TTC27: variants seen among roughly 807,000 people sequenced by gnomAD.
The protein encoded by TTC27 is tetratricopeptide repeat domain 27, also known as tetratricopeptide repeat protein 27.
A neutral mutation model predicts 115.9 loss-of-function variants in TTC27; 79 were observed. That is an observed-to-expected ratio of 0.68 (90% CI 0.57 to 0.82). TTC27 has a LOEUF of 0.82. Ranked by LOEUF, TTC27 falls within the 40% of genes least tolerant of loss-of-function variation. TTC27 has a pLI of 0.00. For missense variants in TTC27, 1,054 were observed against 993.1 expected, an observed-to-expected ratio of 1.06 and a Z score of -0.82; for synonymous variants, 401 against 356.0, an observed-to-expected ratio of 1.13 and a Z score of -1.42.
At chr2:32,761,319 C>T (rs1295331632) in intron 13 of TTC27, among the ~76,000 whole-genome samples, 1 of 152,174 alleles carries the variant, frequency 6.6e-6, no homozygotes, top group Non-Finnish European at 1.5e-5. Flanking sequence ...TTCTTACCAC[C>T]TCCTGTCATC....
At chr2:32,763,831 A>G (rs993824194) in intron 13 of TTC27, among the ~76,000 whole-genome samples, 1 of 152,202 alleles carries the variant, frequency 6.6e-6, no homozygotes, top group African/African-American at 2.4e-5. Context: ...AACTACTTAA[A>G]TTCAACCTTA....
At chr2:32,802,828 G>A (rs1050245604) in intron 16 of TTC27, among the ~76,000 whole-genome samples, 4 of 152,044 alleles carry the variant, frequency 2.6e-5, no homozygotes, top group African/African-American at 9.7e-5. Flanking sequence ...TATTCCCTTG[G>A]TTTTCTTCTC....
intron 4 of TTC27, among the ~76,000 whole-genome samples, chr2:32,644,049 C>T (rs139449387): frequency 1.8e-3 from 266 of 151,844 alleles, no homozygotes; most frequent in Non-Finnish European, 3.2e-3. Context: ...GGTGTAATGG[C>T]GGGTGCCTGT....
intron 10 of TTC27, among the ~76,000 whole-genome samples, chr2:32,710,160 C>A (rs1397527870): frequency 1.3e-5 from 2 of 152,026 alleles, no homozygotes; most frequent in Non-Finnish European, 2.9e-5. Context: ...GGACTATAGG[C>A]ATGCACCACC....
rs989769276 is a variant in TTC27 at position 32,666,837 on chromosome 2, A to G, written c.939+69A>G. 2.0e-5 allele frequency: 30 copies of G among 1,529,548 alleles called. No individual in the cohort carries two copies. The East Asian group carries it at 2.3e-4, about 12-fold the overall frequency. The allele number at this position is 1,529,548 out of a possible 1,614,324, so 94.7% of individuals were successfully genotyped here. ...CTAAGAATTTCAATAGCTGAGTACC[A>G]TAGAAACACTGAATGGGTTGGGGAC... On this transcript the variant is annotated intron_variant, in intron 7 of 19. Transcript: ENST00000317907.
At chr2:32,660,758 A>G (rs1002131722) in intron 5 of TTC27, among the ~76,000 whole-genome samples, 31 of 152,276 alleles carry the variant, frequency 2.0e-4, no homozygotes, top group African/African-American at 7.0e-4. Context: ...GCTATACAGA[A>G]GCTCTTTAGT....
chr2:32,793,815 A>T (rs950224100), intron 16 of TTC27, among the ~76,000 whole-genome samples: 6 of 151,950 alleles, frequency 3.9e-5, no homozygotes, highest in African/African-American at 1.5e-4. Flanking sequence ...GAGCCACCAT[A>T]CCCGGCCTGT....
intron 12 of TTC27, 37 bp from the exon 13 acceptor site, chr2:32,758,255 C>A: frequency 6.4e-7 from 1 of 1,562,280 alleles, no homozygotes; most frequent in South Asian, 1.2e-5. Flanking sequence ...AGCAGTTAAT[C>A]ACTCTTAAGC....
intron 16 of TTC27, among the ~76,000 whole-genome samples, chr2:32,805,013 T>C (rs1029563648): frequency 6.6e-6 from 1 of 152,170 alleles, no homozygotes; most frequent in African/African-American, 2.4e-5. Context: ...AGAGAAACCT[T>C]TCCAATGTAA....
chr2:32,679,887 G>A (rs951435335), intron 9 of TTC27, among the ~76,000 whole-genome samples: 1 of 152,106 alleles, frequency 6.6e-6, no homozygotes, highest in African/African-American at 2.4e-5. Flanking sequence ...AGCTACTCTA[G>A]AAGCTGAGAA....
At chr2:32,778,538 T>G (rs1572605207) in intron 14 of TTC27, among the ~76,000 whole-genome samples, 1 of 152,208 alleles carries the variant, frequency 6.6e-6, no homozygotes, top group East Asian at 1.9e-4. Flanking sequence ...AACACTAATG[T>G]GCATTTTGTC....
intron 16 of TTC27, among the ~76,000 whole-genome samples, chr2:32,792,473 G>A (rs1271174589): frequency 6.6e-6 from 1 of 151,728 alleles, no homozygotes; most frequent in Middle Eastern, 3.2e-3. Flanking sequence ...CACAGTCTAA[G>A]AACTGTTTTT....
At chr2:32,692,788 A>G (rs1344732635) in intron 9 of TTC27, among the ~76,000 whole-genome samples, 3 of 152,090 alleles carry the variant, frequency 2.0e-5, no homozygotes, top group Non-Finnish European at 4.4e-5. Flanking sequence ...CCTGGCCAAC[A>G]TGGTAAAATC....
chr2:32,703,911 G>C (rs1020554503), intron 10 of TTC27, among the ~76,000 whole-genome samples: 2 of 152,208 alleles, frequency 1.3e-5, no homozygotes, highest in African/African-American at 4.8e-5. Flanking sequence ...GAAAGTCTAA[G>C]ATCAAGGTGC....
chr2:32,777,731 T>C (rs1041279474), intron 13 of TTC27, 151 bp from the exon 14 acceptor site: 11 of 697,738 alleles, frequency 1.6e-5, no homozygotes, highest in Non-Finnish European at 2.6e-5. Flanking sequence ...CTAAATATTC[T>C]ACATTTAAAC....
At chr2:32,756,799 T>C (rs1467661552) in intron 12 of TTC27, among the ~76,000 whole-genome samples, 1 of 152,236 alleles carries the variant, frequency 6.6e-6, no homozygotes, top group African/African-American at 2.4e-5. Flanking sequence ...GCACCACTGC[T>C]GTTTACGTGA....
intron 3 of TTC27, among the ~76,000 whole-genome samples, chr2:32,635,670 T>C (rs994384014): frequency 6.6e-5 from 10 of 151,440 alleles, no homozygotes; most frequent in East Asian, 3.9e-4. Flanking sequence ...GGTGACAGAG[T>C]GAGACTCCAT....
chr2:32,704,437 C>T (rs912337760), intron 10 of TTC27, among the ~76,000 whole-genome samples: 11 of 152,158 alleles, frequency 7.2e-5, no homozygotes, highest in African/African-American at 1.9e-4. Context: ...ATCTGCCCGC[C>T]TCTGCCTCCC....
rs1553321520 is a variant in TTC27, at chr2:32,798,712, A to AT, written c.1998+11563_1998+11564insT. ...AGAGCGAGACTCCAGCTCAAAAAAA[A>AT]AAATAATAATAATAATAATAATAAT... On this transcript the variant is annotated intron_variant, in intron 16 of 19. Coordinates refer to ENST00000317907, the MANE Select transcript of TTC27 (RefSeq NM_017735.5). Among the ~76,000 whole-genome samples the AT allele has an allele frequency of 1.6e-3, 203 of 130,774 alleles. 1 individual carries two copies. Among genetic ancestry groups the AT allele is most frequent in the Non-Finnish European group, 2.4e-3 (144 of 61,184 alleles). The allele number at this position is 130,774 out of a possible 152,430, so 85.8% of individuals were successfully genotyped here.
Sources: allele counts gnomAD v4.1 joint callset (sites outside exome capture counted in the v4.1 genomes callset), GRCh38; gene constraint gnomAD v4.1.1; transcripts MANE v1.5; gene names NCBI Gene and HGNC (gene_info 2026-07-23, HGNC 2026-07-21).